SYCP2: variants seen among roughly 807,000 people sequenced by gnomAD.
The protein encoded by SYCP2 is synaptonemal complex protein 2.
Under a neutral mutation model 211.3 loss-of-function variants are expected in SYCP2, and 55 were observed. That is an observed-to-expected ratio of 0.26 (90% CI 0.21 to 0.33). The LOEUF is 0.33. Ranked by LOEUF, SYCP2 falls within the 10% of genes least tolerant of loss-of-function variation. The pLI, the probability that SYCP2 is intolerant of heterozygous loss-of-function variation, is 1.00. For synonymous variants in SYCP2, 570 were observed against 555.2 expected, an observed-to-expected ratio of 1.03 and a Z score of -0.37; for missense variants, 1,731 against 1,752.0, an observed-to-expected ratio of 0.99 and a Z score of 0.21.
In SYCP2 at chr20:59,892,200, A is replaced by T; in HGVS notation, c.2154T>A (p.Val718=). Residue 718 remains valine (V), a synonymous_variant, in exon 24 of 45, where the codon GTT becomes GTA. Coordinates refer to ENST00000357552, the MANE Select transcript of SYCP2 (RefSeq NM_014258.4). ...TENAKQSDWP[V]ESETTFKSVL... ...CCGATTTAAAAGTAGTTTCAGATTC[A>T]ACAGGCCAATCACTCTGCTTGGCAT... 1.2e-6 allele frequency: 2 copies of T among 1,612,720 alleles called. No homozygotes were observed. Among genetic ancestry groups the T allele is most frequent in the Non-Finnish European group, 1.7e-6 (2 of 1,179,204 alleles).
chr20:59,922,010 C>T (rs2145881353), intron 3 of SYCP2, among the ~76,000 whole-genome samples: 1 of 151,686 alleles, frequency 6.6e-6, no homozygotes, highest in South Asian at 2.1e-4. Flanking sequence ...GATCACTAAA[C>T]AGGTTTGGCT....
chr20:59,868,798 T>C (rs1600804010), intron 37 of SYCP2, 37 bp downstream of exon 37: 1 of 1,510,262 alleles, frequency 6.6e-7, no homozygotes, highest in South Asian at 1.2e-5. Context: ...AGCATTTCAG[T>C]AATCATTTTT....
chr20:59,888,364 T>C (rs1234377029), intron 24 of SYCP2, among the ~76,000 whole-genome samples: 1 of 152,080 alleles, frequency 6.6e-6, no homozygotes, highest in Non-Finnish European at 1.5e-5. Context: ...AAAATTAATG[T>C]ACTCCATCAT....
chr20:59,874,738 T>C (rs945415065), intron 34 of SYCP2, among the ~76,000 whole-genome samples: 5 of 152,042 alleles, frequency 3.3e-5, no homozygotes, highest in African/African-American at 1.2e-4. Context: ...GGCAAACTTA[T>C]ACTTTCTATA....
intron 2 of SYCP2, among the ~76,000 whole-genome samples, chr20:59,924,672 AATATT>A (rs775168516): frequency 1.3e-4 from 19 of 151,904 alleles, no homozygotes; most frequent in Admixed American, 2.6e-4. Flanking sequence ...GCTGTCCAAA[AATATT>A]ATATTTTAAG....
At chr20:59,883,056 T>C (rs575806414) in intron 26 of SYCP2, among the ~76,000 whole-genome samples, 1 of 152,244 alleles carries the variant, frequency 6.6e-6, no homozygotes, top group East Asian at 1.9e-4. Context: ...TATATATAAT[T>C]GCATTCCTAG....
intron 35 of SYCP2, among the ~76,000 whole-genome samples, chr20:59,872,142 G>A (rs1309605189): frequency 6.6e-6 from 1 of 151,866 alleles, no homozygotes; most frequent in East Asian, 1.9e-4. Context: ...ACACACAATG[G>A]TCCCTCTTAG....
chr20:59,871,404 G>C (rs568004979), intron 35 of SYCP2, among the ~76,000 whole-genome samples: 1 of 151,982 alleles, frequency 6.6e-6, no homozygotes, highest in East Asian at 1.9e-4. Flanking sequence ...ACCATATAAA[G>C]CAAATTTCCA....
At chr20:59,879,459 T>C (rs116172254) in intron 31 of SYCP2, among the ~76,000 whole-genome samples, 2 of 151,970 alleles carry the variant, frequency 1.3e-5, no homozygotes, top group Non-Finnish European at 2.9e-5. Context: ...TGAAAGCTGA[T>C]GCCCTTAAAA....
Position 59,915,485 on chromosome 20 carries a change from G to T in SYCP2, c.579C>A (p.Asn193Lys), listed in dbSNP as rs201420352. 1.3e-5 allele frequency: 21 copies of T among 1,605,306 alleles called. No individual in the cohort carries two copies. The highest frequency in any genetic ancestry group is 1.8e-5 in the Non-Finnish European group (21 of 1,172,524). Residue 193 changes from asparagine (N) to lysine (K), a missense_variant, in exon 9 of 45, where the codon AAC (asparagine) becomes AAA (lysine). By Grantham distance (94) the Asn-to-Lys change is moderately conservative (BLOSUM62 0). This residue lies in a region of SYCP2 where 335 missense variants were observed against 378.8 expected (regional missense o/e 0.88). Coordinates refer to ENST00000357552, the MANE Select transcript of SYCP2 (RefSeq NM_014258.4). Reference sequence around the variant, plus strand: ...ATTACATGAGAATTAACATTTCTTGGTTAGAGAGTATTTTCCGGGCATCTT... The same window carrying T: ...ATTACATGAGAATTAACATTTCTTGTTTAGAGAGTATTTTCCGGGCATCTT... Reference protein sequence around the residue: ...MPQDARKILSNQEMLILMSSM... With the variant: ...MPQDARKILSKQEMLILMSSM...
chr20:59,909,408 A>G (rs1004856870), intron 14 of SYCP2, among the ~76,000 whole-genome samples: 3 of 152,286 alleles, frequency 2.0e-5, no homozygotes, highest in Admixed American at 1.3e-4. Context: ...GCCCATCGTT[A>G]TATCTCAAAA....
At chr20:59,888,565 A>G (rs574990850) in intron 24 of SYCP2, among the ~76,000 whole-genome samples, 1 of 152,146 alleles carries the variant, frequency 6.6e-6, no homozygotes, top group African/African-American at 2.4e-5. Context: ...GAGAAACGAG[A>G]TGCTTTTCCT....
intron 15 of SYCP2, among the ~76,000 whole-genome samples, chr20:59,904,428 CA>C (rs2060176579): frequency 6.6e-6 from 1 of 152,098 alleles, no homozygotes; most frequent in Non-Finnish European, 1.5e-5. Context: ...GGGATGGCCA[CA>C]CCTGAGTAAT....
chr20:59,881,914 A>G lies in SYCP2; in HGVS notation c.2658+31T>C, dbSNP rs530249191. The G allele has an allele frequency of 4.3e-5, 67 of 1,562,074 alleles. No homozygotes were observed. In the East Asian group the frequency reaches 1.4e-3, roughly 34 times the overall value. The stretch of plus-strand genomic sequence containing the variant: ...GGTAAATGCAATGTAACTTCTGAGT[A>G]AATACAAAGTATCTTGGTATTTTAG... On this transcript the variant is annotated intron_variant, in intron 28 of 44. Transcript: ENST00000357552.
intron 25 of SYCP2, 27 bp from the exon 26 acceptor site, chr20:59,885,991 G>T (rs1398154099): frequency 6.4e-6 from 10 of 1,569,940 alleles, no homozygotes; most frequent in South Asian, 1.1e-5. Flanking sequence ...TGTCAAAATT[G>T]AAAAAGCAAA....
At chr20:59,900,417 T>G (rs1460937634) in intron 17 of SYCP2, 133 bp from the exon 18 acceptor site, 1 of 855,334 alleles carries the variant, frequency 1.2e-6, no homozygotes, top group Non-Finnish European at 1.7e-6. Context: ...TGTGCTGTTA[T>G]AATTTTTACA....
At chr20:59,924,788 G>A (rs983758418) in intron 2 of SYCP2, among the ~76,000 whole-genome samples, 1 of 151,916 alleles carries the variant, frequency 6.6e-6, no homozygotes, top group African/African-American at 2.4e-5. Context: ...ATTACTGTTG[G>A]ATTTACCATA....
At chr20:59,867,455 A>T (rs982510605) in intron 39 of SYCP2, among the ~76,000 whole-genome samples, 4 of 122,770 alleles carry the variant, frequency 3.3e-5, no homozygotes, top group Non-Finnish European at 6.8e-5. Flanking sequence ...ACTGTCCAGT[A>T]AAAAAAAAAA....
At chr20:59,911,278 A>T (rs1458268500) in intron 14 of SYCP2, among the ~76,000 whole-genome samples, 1 of 152,220 alleles carries the variant, frequency 6.6e-6, no homozygotes, top group Admixed American at 6.5e-5. Context: ...ATCTGAGCAC[A>T]GCTATGATAA....
Sources: allele counts gnomAD v4.1 joint callset (sites outside exome capture counted in the v4.1 genomes callset), GRCh38; gene constraint gnomAD v4.1.1; regional missense constraint gnomAD v4.1.1; transcripts MANE v1.5; gene names NCBI Gene and HGNC (gene_info 2026-07-23, HGNC 2026-07-21).